DPP10: variants seen among roughly 807,000 people sequenced by gnomAD.
DPP10 encodes the protein dipeptidyl peptidase like 10.
DPP10 carries 33 observed loss-of-function variants against 120.9 expected under a neutral mutation model. The ratio of observed to expected loss-of-function variants is 0.27; its 90% CI spans 0.21 to 0.37. The LOEUF (loss-of-function observed/expected upper bound fraction) is 0.37. Ranked by LOEUF, DPP10 falls within the 10% of genes least tolerant of loss-of-function variation. DPP10 has a pLI of 1.00. For synonymous variants in DPP10, 337 were observed against 326.1 expected, an observed-to-expected ratio of 1.03 and a Z score of -0.36; for missense variants, 816 against 942.8, an observed-to-expected ratio of 0.87 and a Z score of 1.76.
chr2:115,409,870 G>A (rs1406092246), intron 3 of DPP10, among the ~76,000 whole-genome samples: 1 of 152,218 alleles, frequency 6.6e-6, no homozygotes, highest in Non-Finnish European at 1.5e-5. Flanking sequence ...CAGCAACCTG[G>A]ATGGAAATGA....
Position 114,903,480 on chromosome 2 carries a change from A to G in DPP10, c.61-405759A>G, listed in dbSNP as rs993761374. On this transcript the variant is annotated intron_variant, in intron 1 of 25. Transcript: ENST00000410059. ...CAGTGTTTTGAATTTTGGTCATTCT[A>G]ATAGATGTGTAGTGGTATATCATTG... 3.3e-5 allele frequency among the ~76,000 whole-genome samples: 5 copies of G among 152,198 alleles called. No homozygotes were observed. The East Asian group carries it at 5.8e-4, about 18-fold the overall frequency.
chr2:114,494,101 C>CAA (rs58552540), intron 1 of DPP10, among the ~76,000 whole-genome samples: 11,962 of 76,752 alleles, frequency 0.16, 947 homozygotes, highest in South Asian at 0.24. Context: ...AGCAATAAGG[C>CAA]AAAAAAAAAA....
At chr2:114,841,112 G>A (rs1483145891) in intron 1 of DPP10, among the ~76,000 whole-genome samples, 2 of 152,136 alleles carry the variant, frequency 1.3e-5, no homozygotes, top group Non-Finnish European at 2.9e-5. Flanking sequence ...TTGAATTTAA[G>A]TAATTGCTTA....
chr2:115,717,440 G>T (rs1271040587), intron 7 of DPP10, among the ~76,000 whole-genome samples: 1 of 152,132 alleles, frequency 6.6e-6, no homozygotes, highest in Non-Finnish European at 1.5e-5. Context: ...CAGGCTGCCT[G>T]TATTTGTGTT....
At chr2:114,753,350 A>G (rs1400825946) in intron 1 of DPP10, among the ~76,000 whole-genome samples, 1 of 152,176 alleles carries the variant, frequency 6.6e-6, no homozygotes, top group Non-Finnish European at 1.5e-5. Flanking sequence ...ATTGAGTTCA[A>G]ATTCTATCCC....
intron 1 of DPP10, among the ~76,000 whole-genome samples, chr2:115,089,629 C>A (rs986078915): frequency 6.6e-6 from 1 of 152,212 alleles, no homozygotes. Context: ...TGCGGATTCA[C>A]TCATCTGTGC....
intron 1 of DPP10, among the ~76,000 whole-genome samples, chr2:115,289,559 G>T (rs2060570149): frequency 6.9e-6 from 1 of 144,464 alleles, no homozygotes; most frequent in Non-Finnish European, 1.5e-5. Context: ...CCAAGAAAAA[G>T]AGCAAAGCTG....
At chr2:115,315,843 A>G (rs185435048) in intron 2 of DPP10, among the ~76,000 whole-genome samples, 1 of 152,304 alleles carries the variant, frequency 6.6e-6, no homozygotes, top group East Asian at 1.9e-4. Context: ...CCCCCTGGAT[A>G]ATATGGATTG....
chr2:114,733,501 T>C (rs916148912), intron 1 of DPP10, among the ~76,000 whole-genome samples: 1 of 152,308 alleles, frequency 6.6e-6, no homozygotes, highest in South Asian at 2.1e-4. Flanking sequence ...CTCATAATAA[T>C]ATCAAGTAAG....
rs111638470 is a variant in DPP10, at chr2:115,073,093, T to C, written c.61-236146T>C. Among the ~76,000 whole-genome samples, 158 of 152,334 alleles carry C rather than the reference T, an allele frequency of 1.0e-3. 2 individuals carry two copies. The highest frequency in any genetic ancestry group is 3.7e-3 in the African/African-American group (152 of 41,592). ...CCACTGCGCCCAGCCAGATTATATT[T>C]TCTTTAAGATAGAAATAGTAGGCAT... On this transcript the variant is annotated intron_variant, in intron 1 of 25. Coordinates refer to ENST00000410059, the MANE Select transcript of DPP10 (RefSeq NM_020868.6).
At chr2:115,039,980 A>C (rs1313091885) in intron 1 of DPP10, among the ~76,000 whole-genome samples, 2 of 152,024 alleles carry the variant, frequency 1.3e-5, no homozygotes, top group East Asian at 4.0e-4. Flanking sequence ...AAATGTGCAC[A>C]CAAAATTTTC....
chr2:114,526,355 A>T (rs907068285), intron 1 of DPP10, among the ~76,000 whole-genome samples: 4 of 152,226 alleles, frequency 2.6e-5, no homozygotes, highest in African/African-American at 9.6e-5. Context: ...GTGATAGCCA[A>T]GAGCATAAAT....
At chr2:114,579,431 A>G (rs1407203759) in intron 1 of DPP10, among the ~76,000 whole-genome samples, 1 of 152,214 alleles carries the variant, frequency 6.6e-6, no homozygotes, top group Non-Finnish European at 1.5e-5. Context: ...GTGTGTCTCC[A>G]AAAATACTGA....
chr2:115,746,239 C>G, intron 10 of DPP10, 56 bp downstream of exon 10: 1 of 1,417,336 alleles, frequency 7.1e-7, no homozygotes, highest in East Asian at 2.3e-5. Context: ...CTCCAATTAT[C>G]ATTTTGTTGC....
At chr2:114,670,055 C>G (rs989139945) in intron 1 of DPP10, among the ~76,000 whole-genome samples, 2 of 152,064 alleles carry the variant, frequency 1.3e-5, no homozygotes, top group African/African-American at 2.4e-5. Flanking sequence ...AATAGGAACA[C>G]TTTTACACTG....
intron 3 of DPP10, chr2:115,468,718 G>A (rs905669713): frequency 2.7e-6 from 1 of 375,402 alleles, no homozygotes; most frequent in East Asian, 6.6e-5. Flanking sequence ...CTATGACCAA[G>A]GAAGAAGAAT....
chr2:115,711,400 T>A (rs2092310143), intron 7 of DPP10, among the ~76,000 whole-genome samples: 1 of 152,132 alleles, frequency 6.6e-6, no homozygotes, highest in African/African-American at 2.4e-5. Context: ...CTACAGTGGC[T>A]ACGTATTTGC....
chr2:114,587,172 G>A (rs1005172374), intron 1 of DPP10, among the ~76,000 whole-genome samples: 14 of 151,666 alleles, frequency 9.2e-5, no homozygotes, highest in African/African-American at 2.4e-4. Flanking sequence ...ATGGTGGCGC[G>A]TGCCTGTAAT....
chr2:115,252,679 A>G lies in DPP10; in HGVS notation c.61-56560A>G, dbSNP rs955524189. Among the ~76,000 whole-genome samples the G allele has an allele frequency of 3.3e-5, 5 of 152,322 alleles. No homozygotes were observed. In the South Asian group the frequency reaches 1.0e-3, roughly 32 times the overall value. ...GTTCCTTTGAAATAATTAAGGCTTT[A>G]TTTTAAACTTAGCAATAGGGTAAGG... On this transcript the variant is annotated intron_variant, in intron 1 of 25. Transcript: ENST00000410059.
Sources: allele counts gnomAD v4.1 joint callset (sites outside exome capture counted in the v4.1 genomes callset), GRCh38; gene constraint gnomAD v4.1.1; transcripts MANE v1.5; gene names NCBI Gene and HGNC (gene_info 2026-07-23, HGNC 2026-07-21).